The following PGM1 variants were observed in gnomAD, a reference collection of about 807,000 sequenced individuals.
PGM1 encodes phosphoglucomutase-1.
Under a neutral mutation model 55.6 loss-of-function variants are expected in PGM1, and 52 were observed. The ratio of observed to expected loss-of-function variants is 0.94; its 90% CI spans 0.75 to 1.18. The LOEUF is 1.18. Among genes scored for constraint, PGM1 ranks in the 50% most tolerant of loss-of-function variants. PGM1 has a pLI of 0.00. For missense variants in PGM1, 724 were observed against 729.3 expected, an observed-to-expected ratio of 0.99 and a Z score of 0.08; for synonymous variants, 287 against 271.7, an observed-to-expected ratio of 1.06 and a Z score of -0.55.
chr1:63,620,029 T>C (rs1648841943), intron 1 of PGM1, among the ~76,000 whole-genome samples: 1 of 152,228 alleles, frequency 6.6e-6, no homozygotes, highest in African/African-American at 2.4e-5. Flanking sequence ...ACCGATAATC[T>C]ACCTTATACC....
At chr1:63,658,752 CAAAAA>C (rs35160588) in intron 10 of PGM1, among the ~76,000 whole-genome samples, 3 of 119,530 alleles carry the variant, frequency 2.5e-5, no homozygotes, top group Non-Finnish European at 1.8e-5. Context: ...AACTCCATCT[CAAAAA>C]AAAAAAAAAA....
intron 6 of PGM1, among the ~76,000 whole-genome samples, chr1:63,637,243 T>A (rs1294449105): frequency 2.6e-5 from 4 of 152,264 alleles, no homozygotes; most frequent in Non-Finnish European, 5.9e-5. Flanking sequence ...TTAATTCATT[T>A]ACTTCTCAGA....
At position 63,615,565 on chromosome 1, in the gene PGM1, T is replaced by C. The variant is rs953958018; in HGVS notation, c.247-13860T>C. Among the ~76,000 whole-genome samples the C allele has an allele frequency of 5.3e-3, 690 of 131,272 alleles. 4 individuals are homozygous for C. Among genetic ancestry groups the C allele is most frequent in the African/African-American group, 0.019 (653 of 33,936 alleles). 86.1% of individuals were successfully genotyped at this position (131,272 alleles called of 152,430 possible). ...TCTTCTTCTTCTTTTTTTTTTTTTTTTTTTTTTTTTTTTTTGAGACAGAGC... is the reference window on the plus strand; with the variant it reads ...TCTTCTTCTTCTTTTTTTTTTTTTTCTTTTTTTTTTTTTTTGAGACAGAGC... On this transcript the variant is annotated intron_variant, in intron 1 of 10. Transcript: ENST00000371084.
intron 8 of PGM1, among the ~76,000 whole-genome samples, chr1:63,650,903 A>T (rs1649790035): frequency 1.3e-5 from 2 of 152,150 alleles, no homozygotes. Flanking sequence ...AACTTAAAAT[A>T]AAACAAAATT....
At chr1:63,633,955 T>A (rs1237633934) in intron 4 of PGM1, among the ~76,000 whole-genome samples, 1 of 133,290 alleles carries the variant, frequency 7.5e-6, no homozygotes, top group African/African-American at 2.8e-5. Flanking sequence ...TTTTTTTTTT[T>A]TTTTTTAGTA....
chr1:63,630,581 A>G (rs1649168613), intron 3 of PGM1, among the ~76,000 whole-genome samples: 1 of 152,194 alleles, frequency 6.6e-6, no homozygotes, highest in African/African-American at 2.4e-5. Flanking sequence ...GGTTTGAATG[A>G]TTCGCAAGAC....
chr1:63,609,288 C>T (rs146796884), intron 1 of PGM1, among the ~76,000 whole-genome samples: 1,919 of 152,318 alleles, frequency 0.013, 22 homozygotes, highest in Non-Finnish European at 0.02. Flanking sequence ...GGGCCCAGGC[C>T]AATGTCTTGC....
intron 8 of PGM1, among the ~76,000 whole-genome samples, chr1:63,650,156 A>G (rs998838592): frequency 1.3e-5 from 2 of 152,018 alleles, no homozygotes; most frequent in African/African-American, 4.8e-5. Context: ...ATTAGTTAAA[A>G]CTCCATTATA....
intron 10 of PGM1, among the ~76,000 whole-genome samples, chr1:63,657,212 A>G (rs76157417): frequency 6.6e-6 from 1 of 152,194 alleles, no homozygotes; most frequent in East Asian, 1.9e-4. Flanking sequence ...TGTGAAACTC[A>G]TTTGGAAACC....
intron 7 of PGM1, among the ~76,000 whole-genome samples, chr1:63,645,699 G>T (rs190519542): frequency 6.6e-6 from 1 of 152,288 alleles, no homozygotes; most frequent in East Asian, 1.9e-4. Context: ...TCCGGGTTTT[G>T]AGGACTGTTA....
At chr1:63,603,991 T>G (rs575256795) in intron 1 of PGM1, among the ~76,000 whole-genome samples, 21 of 152,312 alleles carry the variant, frequency 1.4e-4, no homozygotes, top group African/African-American at 4.8e-4. Flanking sequence ...CTACTCAGAG[T>G]GCACATATGA....
At chr1:63,633,077 G>C (rs1207083201) in intron 4 of PGM1, among the ~76,000 whole-genome samples, 1 of 152,128 alleles carries the variant, frequency 6.6e-6, no homozygotes, top group Non-Finnish European at 1.5e-5. Context: ...CAAAATGAGA[G>C]TTGGAATTTC....
chr1:63,598,896 G>A (rs769827252), intron 1 of PGM1, among the ~76,000 whole-genome samples: 11 of 152,276 alleles, frequency 7.2e-5, no homozygotes, highest in South Asian at 4.1e-4. Context: ...TGCAAACTTC[G>A]CCTTATAGTG....
chr1:63,619,577 A>C (rs1400054205), intron 1 of PGM1, among the ~76,000 whole-genome samples: 1 of 152,260 alleles, frequency 6.6e-6, no homozygotes, highest in Non-Finnish European at 1.5e-5. Context: ...ACTGCCAGCC[A>C]GTCAACTTTC....
At chr1:63,648,442 C>G in intron 7 of PGM1, 75 bp from the exon 8 acceptor site, 1 of 1,572,654 alleles carries the variant, frequency 6.4e-7, no homozygotes, top group East Asian at 2.2e-5. Context: ...GATGCAGAGC[C>G]AAACCATATC....
Position 63,659,647 on chromosome 1 carries a change from G to GACGCACTGC in PGM1, c.1664_1672dup (p.Arg555_Ala557dup). The GACGCACTGC allele has an allele frequency of 6.2e-7, 1 of 1,613,978 alleles. No individual in the cohort carries two copies. Among genetic ancestry groups the GACGCACTGC allele is most frequent in the Non-Finnish European group, 8.5e-7 (1 of 1,179,890 alleles). ...GTGTCCCAGCTGCAGGAGAGGACGGGACGCACTGCACCCACTGTCATCACC... is the reference window on the plus strand; with the variant it reads ...GTGTCCCAGCTGCAGGAGAGGACGGGACGCACTGCACGCACTGCACCCACTGTCATCACC... On this transcript the variant is annotated inframe_insertion, in exon 11 of 11. Coordinates refer to ENST00000371084, the MANE Select transcript of PGM1 (RefSeq NM_002633.3).
intron 7 of PGM1, among the ~76,000 whole-genome samples, chr1:63,641,756 GT>G (rs1451944071): frequency 1.3e-5 from 2 of 152,132 alleles, no homozygotes; most frequent in Admixed American, 1.3e-4. Flanking sequence ...TCTGTTGGCT[GT>G]ATATGCCATG....
intron 1 of PGM1, among the ~76,000 whole-genome samples, chr1:63,625,309 G>C (rs1648988776): frequency 6.6e-6 from 1 of 152,166 alleles, no homozygotes; most frequent in Non-Finnish European, 1.5e-5. Context: ...CTATTTGTTA[G>C]AGCTGTTGGC....
chr1:63,604,534 A>G (rs1648356781), intron 1 of PGM1, among the ~76,000 whole-genome samples: 1 of 152,146 alleles, frequency 6.6e-6, no homozygotes, highest in African/African-American at 2.4e-5. Flanking sequence ...CACTGGGAAG[A>G]TCTAACATGC....
Sources: allele counts gnomAD v4.1 joint callset (sites outside exome capture counted in the v4.1 genomes callset), GRCh38; gene constraint gnomAD v4.1.1; transcripts MANE v1.5; gene names NCBI Gene and HGNC (gene_info 2026-07-23, HGNC 2026-07-21).